The following PATJ variants were observed in gnomAD, a reference collection of about 807,000 sequenced individuals.
The protein encoded by PATJ is inaD-like protein.
In PATJ, 190 loss-of-function variants were observed where a neutral mutation model predicts 224.9. The observed-to-expected ratio is 0.84, with a 90% CI of 0.75 to 0.95. The LOEUF is 0.95. Among genes scored for constraint, PATJ ranks in the 40% least tolerant of loss-of-function variants. The probability of loss-of-function intolerance (pLI) is 0.00; values close to 1 mark genes in which losing one functional copy is unlikely to be tolerated. For missense variants in PATJ, 2,121 were observed against 2,270.3 expected (o/e 0.93, Z 1.34); for synonymous variants, 769 against 820.3 (o/e 0.94, Z 1.07).
At chr1:62,151,548 G>A (rs757494835) in intron 42 of PATJ, among the ~76,000 whole-genome samples, 2 of 152,152 alleles carry the variant, frequency 1.3e-5, no homozygotes, top group African/African-American at 2.4e-5. Context: ...CCGAGATAGC[G>A]CCACTGCACT....
At chr1:62,131,385 A>G (rs1666246633) in intron 41 of PATJ, among the ~76,000 whole-genome samples, 1 of 152,196 alleles carries the variant, frequency 6.6e-6, no homozygotes, top group Admixed American at 6.5e-5. Context: ...TCAAATGGTA[A>G]CTGACCAGAA....
chr1:62,066,462 C>G (rs545553705), intron 31 of PATJ, among the ~76,000 whole-genome samples: 16 of 151,902 alleles, frequency 1.1e-4, no homozygotes, highest in Admixed American at 8.5e-4. Flanking sequence ...CAGCTCACTG[C>G]AGCTTTGACC....
intron 28 of PATJ, among the ~76,000 whole-genome samples, chr1:62,008,158 ATC>A (rs1646207413): frequency 6.6e-6 from 1 of 152,110 alleles, no homozygotes. Flanking sequence ...TAAAGAGAGA[ATC>A]TTGGTTGTCC....
At chr1:61,929,030 A>G (rs1371294225) in intron 27 of PATJ, among the ~76,000 whole-genome samples, 2 of 152,230 alleles carry the variant, frequency 1.3e-5, no homozygotes, top group African/African-American at 4.8e-5. Flanking sequence ...CTCGGAAGGG[A>G]TAATGCAAAG....
Position 61,766,176 on chromosome 1 carries a change from T to C in PATJ, c.190-103T>C, listed in dbSNP as rs1047847446. On this transcript the variant is annotated intron_variant, in intron 3 of 43. Coordinates refer to ENST00000642238, the MANE Select transcript of PATJ (RefSeq NM_001350145.3). ...TTACCTTATTTCTTTTCCATGTATA[T>C]ATTTAATGTGCAAAGTATCTATGTA... The C allele has an allele frequency of 6.0e-5, 44 of 739,436 alleles. 1 individual carries two copies. The South Asian group carries it at 8.9e-4, about 15-fold the overall frequency. 45.8% of individuals were successfully genotyped at this position (739,436 alleles called of 1,614,324 possible).
intron 28 of PATJ, among the ~76,000 whole-genome samples, chr1:62,006,217 C>A (rs1646087416): frequency 6.6e-6 from 1 of 152,166 alleles, no homozygotes; most frequent in Admixed American, 6.5e-5. Context: ...CAGGTTCAAG[C>A]AATTCTCCTG....
intron 1 of PATJ, 111 bp downstream of exon 1, chr1:61,742,666 C>A (rs772479780): frequency 0.092 from 13,947 of 151,320 alleles, 683 homozygotes; most frequent in Middle Eastern, 0.11. Context: ...GCCTGCCCTG[C>A]CCCCGCGCTC....
chr1:61,992,407 C>T (rs1043657637), intron 28 of PATJ, among the ~76,000 whole-genome samples: 2 of 152,112 alleles, frequency 1.3e-5, no homozygotes, highest in South Asian at 2.1e-4. Flanking sequence ...CGTGAGTCAC[C>T]AGGCCTGGTC....
At chr1:62,020,833 T>C (rs1399157801) in intron 29 of PATJ, among the ~76,000 whole-genome samples, 1 of 152,148 alleles carries the variant, frequency 6.6e-6, no homozygotes, top group Non-Finnish European at 1.5e-5. Context: ...ATTCATTCAT[T>C]CATTTATTTT....
At chr1:61,836,793 A>G (rs1206069792) in intron 17 of PATJ, among the ~76,000 whole-genome samples, 17 of 152,240 alleles carry the variant, frequency 1.1e-4, no homozygotes. Flanking sequence ...GTCCCTGGCT[A>G]TTATTGCATT....
intron 9 of PATJ, among the ~76,000 whole-genome samples, chr1:61,793,903 A>ATTT (rs35202164): frequency 2.2e-5 from 3 of 137,076 alleles, no homozygotes; most frequent in South Asian, 2.3e-4. Context: ...TTCTTCTACA[A>ATTT]TTTTTTTTTT....
intron 14 of PATJ, among the ~76,000 whole-genome samples, chr1:61,820,567 C>G (rs1034601643): frequency 6.6e-6 from 1 of 151,934 alleles, no homozygotes; most frequent in African/African-American, 2.4e-5. Context: ...GTCTTGAACT[C>G]ACTACCTCAG....
chr1:61,827,911 G>A (rs1658558811), intron 16 of PATJ, among the ~76,000 whole-genome samples: 1 of 152,178 alleles, frequency 6.6e-6, no homozygotes, highest in Non-Finnish European at 1.5e-5. Context: ...GTGTTTGCGA[G>A]TGTTGCATAT....
At chr1:62,149,378 G>A (rs889423809) in intron 42 of PATJ, among the ~76,000 whole-genome samples, 2 of 152,110 alleles carry the variant, frequency 1.3e-5, no homozygotes, top group African/African-American at 4.8e-5. Context: ...AATGTTTGTT[G>A]ACAAATCTGG....
chr1:62,040,902 A>G (rs1469734318), intron 30 of PATJ, among the ~76,000 whole-genome samples: 1 of 152,230 alleles, frequency 6.6e-6, no homozygotes, highest in Non-Finnish European at 1.5e-5. Flanking sequence ...GAAACAAAAG[A>G]TAGATTAACA....
chr1:62,010,064 G>C (rs1321085306), intron 28 of PATJ, among the ~76,000 whole-genome samples: 2 of 117,776 alleles, frequency 1.7e-5, no homozygotes, highest in Non-Finnish European at 3.7e-5. Flanking sequence ...GCCTGGGGGA[G>C]TGAGACTCCA....
At chr1:62,105,032 AAAAG>A (rs139921727) in intron 33 of PATJ, among the ~76,000 whole-genome samples, 2,946 of 152,304 alleles carry the variant, frequency 0.019, 102 homozygotes, top group African/African-American at 0.067. Flanking sequence ...CAGTCAAACA[AAAAG>A]AAAGAAAGAA....
intron 30 of PATJ, among the ~76,000 whole-genome samples, chr1:62,041,942 G>A (rs1323773852): frequency 1.3e-5 from 2 of 152,026 alleles, no homozygotes; most frequent in Non-Finnish European, 2.9e-5. Context: ...AGCCGAGATC[G>A]TGCCACCGCA....
chr1:62,147,922 C>T (rs1346474034), intron 41 of PATJ, among the ~76,000 whole-genome samples: 1 of 151,424 alleles, frequency 6.6e-6, no homozygotes, highest in Non-Finnish European at 1.5e-5. Flanking sequence ...GAGATCGCGC[C>T]ATTGCACTCC....
Sources: allele counts gnomAD v4.1 joint callset (sites outside exome capture counted in the v4.1 genomes callset), GRCh38; gene constraint gnomAD v4.1.1; transcripts MANE v1.5; gene names NCBI Gene and HGNC (gene_info 2026-07-23, HGNC 2026-07-21).